The following PKP4 variants were observed in gnomAD, a reference collection of about 807,000 sequenced individuals.
The protein encoded by PKP4 is plakophilin-4.
In PKP4, 90 loss-of-function variants were observed where a neutral mutation model predicts 145.1. The ratio of observed to expected loss-of-function variants is 0.62; its 90% CI spans 0.52 to 0.74. The LOEUF is 0.74. Among genes scored for constraint, PKP4 ranks in the 30% least tolerant of loss-of-function variants. PKP4 has a pLI of 0.00. For missense variants in PKP4, 1,340 were observed against 1,482.7 expected (o/e 0.90, Z 1.58); for synonymous variants, 563 against 577.2 (o/e 0.98, Z 0.35).
chr2:158,467,800 T>C (rs1366837267), intron 1 of PKP4, among the ~76,000 whole-genome samples: 1 of 152,142 alleles, frequency 6.6e-6, no homozygotes, highest in South Asian at 2.1e-4. Context: ...TGAGTTATGA[T>C]AGTGCCACTG....
At chr2:158,648,108 C>T (rs1165716005) in intron 11 of PKP4, among the ~76,000 whole-genome samples, 1 of 152,148 alleles carries the variant, frequency 6.6e-6, no homozygotes, top group African/African-American at 2.4e-5. Flanking sequence ...CTCTTAAATA[C>T]CAAAAAGTAG....
intron 1 of PKP4, among the ~76,000 whole-genome samples, chr2:158,521,605 G>C (rs1464399861): frequency 6.6e-6 from 1 of 152,098 alleles, no homozygotes; most frequent in Non-Finnish European, 1.5e-5. Context: ...AAGAGTTGCA[G>C]CTTTTGGTTA....
chr2:158,562,197 C>G (rs1412761374), intron 2 of PKP4, among the ~76,000 whole-genome samples: 1 of 152,066 alleles, frequency 6.6e-6, no homozygotes, highest in East Asian at 1.9e-4. Flanking sequence ...ACTTTTGGGA[C>G]TTTAAAAAAA....
intron 2 of PKP4, among the ~76,000 whole-genome samples, chr2:158,575,805 A>G (rs1165118200): frequency 6.6e-6 from 1 of 152,170 alleles, no homozygotes; most frequent in Non-Finnish European, 1.5e-5. Flanking sequence ...AAAAAAACAA[A>G]ATGATGCTGT....
At chr2:158,549,574 G>T (rs1490940247) in intron 2 of PKP4, among the ~76,000 whole-genome samples, 1 of 151,926 alleles carries the variant, frequency 6.6e-6, no homozygotes, top group Admixed American at 6.6e-5. Context: ...GCCTGCAGGT[G>T]GTTAGGTGCC....
chr2:158,583,317 T>A (rs576374879), intron 3 of PKP4, among the ~76,000 whole-genome samples: 3 of 152,230 alleles, frequency 2.0e-5, no homozygotes, highest in South Asian at 4.1e-4. Context: ...ACCTATCTAC[T>A]CCTCCCTAGG....
chr2:158,670,902 A>T (rs2057499066), intron 17 of PKP4, among the ~76,000 whole-genome samples: 1 of 152,208 alleles, frequency 6.6e-6, no homozygotes, highest in Non-Finnish European at 1.5e-5. Context: ...AGTTTGCCTT[A>T]GTATCAGATC....
intron 2 of PKP4, among the ~76,000 whole-genome samples, chr2:158,572,589 G>T (rs1320296786): frequency 6.6e-6 from 1 of 152,182 alleles, no homozygotes; most frequent in Non-Finnish European, 1.5e-5. Context: ...TTTGCCCAAA[G>T]CTAGAACTTG....
Position 158,637,449 on chromosome 2 carries a change from G to A in PKP4, c.1562+3160G>A, listed in dbSNP as rs529816080. 3.2e-4 allele frequency among the ~76,000 whole-genome samples: 49 copies of A among 152,224 alleles called. 3 individuals are homozygous for A. The South Asian group carries it at 6.9e-3, about 21-fold the overall frequency. ...CTTCGGATAGTCCACACGCAAACCC[G>A]GAGAATCACCTCTGCTTAGCTCCCT... is the stretch of plus-strand genomic sequence containing the variant. On this transcript the variant is annotated intron_variant, in intron 9 of 21. Transcript: ENST00000389759.
intron 2 of PKP4, among the ~76,000 whole-genome samples, chr2:158,546,180 A>G (rs1210885799): frequency 2.6e-5 from 4 of 152,258 alleles, no homozygotes; most frequent in Non-Finnish European, 5.9e-5. Flanking sequence ...GTGGTATTAA[A>G]TAAAATGAAA....
chr2:158,667,265 G>A (rs1410414348), intron 16 of PKP4, among the ~76,000 whole-genome samples: 2 of 152,188 alleles, frequency 1.3e-5, no homozygotes, highest in Non-Finnish European at 2.9e-5. Flanking sequence ...CCATAAACCT[G>A]AGCTTCGTTC....
At chr2:158,598,917 C>T (rs1334835656) in intron 3 of PKP4, among the ~76,000 whole-genome samples, 2 of 152,122 alleles carry the variant, frequency 1.3e-5, no homozygotes, top group African/African-American at 4.8e-5. Flanking sequence ...AATTTCCAGA[C>T]TCTATTCCTG....
chr2:158,519,493 C>G (rs992317353), intron 1 of PKP4, among the ~76,000 whole-genome samples: 13 of 152,288 alleles, frequency 8.5e-5, no homozygotes, highest in South Asian at 6.2e-4. Context: ...TGCACTCTCT[C>G]TCCCCTTGAT....
intron 2 of PKP4, among the ~76,000 whole-genome samples, chr2:158,544,546 C>G (rs998579947): frequency 6.6e-6 from 1 of 151,990 alleles, no homozygotes; most frequent in Admixed American, 6.6e-5. Flanking sequence ...GAAAAGTCCT[C>G]GTTATATTGT....
At chr2:158,465,315 C>A (rs1690440511) in intron 1 of PKP4, among the ~76,000 whole-genome samples, 1 of 152,172 alleles carries the variant, frequency 6.6e-6, no homozygotes, top group Admixed American at 6.5e-5. Context: ...GCACTAACCA[C>A]TCTCATTAGC....
intron 1 of PKP4, among the ~76,000 whole-genome samples, chr2:158,488,980 G>T (rs1427026055): frequency 2.0e-5 from 3 of 152,134 alleles, no homozygotes; most frequent in Non-Finnish European, 2.9e-5. Flanking sequence ...ACAACCTTGG[G>T]GAAGGCATTA....
At chr2:158,666,864 T>C (rs2057136017) in intron 16 of PKP4, among the ~76,000 whole-genome samples, 1 of 152,244 alleles carries the variant, frequency 6.6e-6, no homozygotes, top group African/African-American at 2.4e-5. Flanking sequence ...CTCTATATCC[T>C]GAGCAACAAA....
chr2:158,483,721 A>G (rs1051468328), intron 1 of PKP4, among the ~76,000 whole-genome samples: 2 of 152,212 alleles, frequency 1.3e-5, no homozygotes, highest in Non-Finnish European at 2.9e-5. Context: ...AATTTTCACT[A>G]AAGTTTACTC....
rs2056749402 is a variant in PKP4 at position 158,663,008 on chromosome 2, G to A, written c.2323G>A (p.Glu775Lys). 3 of 1,613,986 alleles carry A rather than the reference G, an allele frequency of 1.9e-6. No homozygotes were observed. Among genetic ancestry groups the A allele is most frequent in the Non-Finnish European group, 1.7e-6 (2 of 1,180,016 alleles). ...CGAATTGGATGACTTACTAGGAAAAGAGTCTCCCAGCAAAGACTCTGAGCC... is the reference window on the plus strand; with the variant it reads ...CGAATTGGATGACTTACTAGGAAAAAAGTCTCCCAGCAAAGACTCTGAGCC... ...LNELDDLLGK[E>K]SPSKDSEPSC... The change falls in exon 14 of 22, where the codon GAG becomes AAG. Residue 775 changes from glutamate (E) to lysine (K), a missense_variant. Coordinates refer to ENST00000389759, the MANE Select transcript of PKP4 (RefSeq NM_003628.6).
Sources: gnomAD v4.1 joint callset for allele counts (sites outside exome capture counted in the v4.1 genomes callset) on GRCh38, gnomAD v4.1.1 for gene constraint, MANE v1.5 for transcripts, NCBI Gene and HGNC (gene_info 2026-07-23, HGNC 2026-07-21) for gene names.